The following TENM1 variants were observed in gnomAD, a reference collection of about 807,000 sequenced individuals.
The protein encoded by TENM1 is teneurin-1.
TENM1 carries 35 observed loss-of-function variants against 174.8 expected under a neutral mutation model. The observed-to-expected ratio is 0.20, with a 90% confidence interval of 0.15 to 0.27. The LOEUF is 0.27. Among genes scored for constraint, TENM1 ranks in the 10% least tolerant of loss-of-function variants. The pLI, the probability that TENM1 is intolerant of heterozygous loss-of-function variation, is 1.00. For missense variants in TENM1, 1,633 were observed against 2,130.1 expected (o/e 0.77, Z 4.59); for synonymous variants, 781 against 798.7 (o/e 0.98, Z 0.37).
chrX:124,442,101 T>C (rs2147809588), intron 23 of TENM1, among the ~76,000 whole-genome samples: 1 of 112,351 alleles, frequency 8.9e-6, no homozygotes, highest in African/African-American at 3.2e-5. Context: ...CCTGTCTTGC[T>C]GTCTACCTGT....
At chrX:125,019,540 A>T in the TENM1 span, among the ~76,000 whole-genome samples, 1 of 111,313 alleles carries the variant, frequency 9.0e-6, no homozygotes, top group African/African-American at 3.2e-5. Flanking sequence ...TTTATTGTAG[A>T]CACAAATATG....
chrX:124,499,285 G>A (rs990448030), intron 19 of TENM1, among the ~76,000 whole-genome samples: 3 of 111,649 alleles, frequency 2.7e-5, no homozygotes, highest in Non-Finnish European at 5.7e-5. Flanking sequence ...TCACTCTGAG[G>A]TAGGAACATT....
chrX:124,760,949 C>A (rs948867038), intron 3 of TENM1, among the ~76,000 whole-genome samples: 4 of 112,081 alleles, frequency 3.6e-5, no homozygotes, highest in Non-Finnish European at 5.6e-5. Flanking sequence ...AAAAAATGCT[C>A]GTCATCACTG....
intron 11 of TENM1, among the ~76,000 whole-genome samples, chrX:124,609,856 G>A (rs2050243360): frequency 9.0e-6 from 1 of 111,708 alleles, no homozygotes; most frequent in Non-Finnish European, 1.9e-5. Flanking sequence ...AAAACAGATG[G>A]CTATTGCTGT....
At chrX:125,169,408 G>A in the TENM1 span, among the ~76,000 whole-genome samples, 2 of 111,424 alleles carry the variant, frequency 1.8e-5, no homozygotes, top group African/African-American at 6.5e-5. Flanking sequence ...TCCAATGAAC[G>A]GGCTAACAAA....
At chrX:125,163,336 G>A in the TENM1 span, among the ~76,000 whole-genome samples, 2 of 110,082 alleles carry the variant, frequency 1.8e-5, no homozygotes, top group Non-Finnish European at 3.8e-5. Flanking sequence ...AACTTACTTG[G>A]CATTGCCAAT....
chrX:124,997,070 T>G, the TENM1 span, among the ~76,000 whole-genome samples: 1 of 111,536 alleles, frequency 9.0e-6, no homozygotes, highest in Non-Finnish European at 1.9e-5. Context: ...AACTGATTTA[T>G]TAGGCTACTA....
At chrX:125,145,632 C>A in the TENM1 span, among the ~76,000 whole-genome samples, 1 of 77,760 alleles carries the variant, frequency 1.3e-5, no homozygotes, top group South Asian at 6.9e-4. Flanking sequence ...AAGTTTTCAG[C>A]TAACATCCAA....
chrX:124,426,253 T>TTA (rs2060715471), intron 23 of TENM1, among the ~76,000 whole-genome samples: 1 of 111,779 alleles, frequency 8.9e-6, no homozygotes, highest in Non-Finnish European at 1.9e-5. Flanking sequence ...TGTTCTCTAT[T>TTA]TCTTTTCTTT....
intron 11 of TENM1, among the ~76,000 whole-genome samples, chrX:124,595,524 G>A (rs1204228504): frequency 9.0e-6 from 1 of 111,396 alleles, no homozygotes; most frequent in Non-Finnish European, 1.9e-5. Flanking sequence ...GTAGACTATA[G>A]CCACAAATAA....
chrX:124,435,377 C>T (rs893080344), intron 23 of TENM1, among the ~76,000 whole-genome samples: 8 of 111,966 alleles, frequency 7.1e-5, no homozygotes, highest in Non-Finnish European at 5.6e-5. Context: ...TATGACTGCA[C>T]AGCTTTTATG....
chrX:124,953,830 A>C (rs182962674), intron 1 of TENM1, among the ~76,000 whole-genome samples: 1 of 112,111 alleles, frequency 8.9e-6, no homozygotes, highest in East Asian at 2.8e-4. Flanking sequence ...ATCAATTCTC[A>C]TACTATGGTA....
At chrX:124,421,273 A>G (rs1364851794) in intron 24 of TENM1, among the ~76,000 whole-genome samples, 2 of 112,431 alleles carry the variant, frequency 1.8e-5, no homozygotes, top group African/African-American at 6.5e-5. Context: ...TAAGTCTATA[A>G]GTACAACAAT....
intron 6 of TENM1, 54 bp downstream of exon 9, chrX:124,671,629 A>G: frequency 8.8e-7 from 1 of 1,139,349 alleles, no homozygotes; most frequent in Non-Finnish European, 1.2e-6. Context: ...CTACAGTTCT[A>G]ATGACCAAAT....
intron 22 of TENM1, among the ~76,000 whole-genome samples, chrX:124,478,234 T>C (rs183120252): frequency 8.9e-6 from 1 of 112,231 alleles, no homozygotes; most frequent in East Asian, 2.8e-4. Context: ...GAAACCACAG[T>C]GAGGTACAGT....
the TENM1 span, among the ~76,000 whole-genome samples, chrX:125,009,114 G>A: frequency 0.033 from 2,269 of 67,876 alleles, 24 homozygotes; most frequent in East Asian, 0.075. Flanking sequence ...TTTTTTTTCC[G>A]GAAAAAAAAA....
chrX:124,529,818 A>G (rs1251177689), intron 16 of TENM1, 46 bp downstream of exon 19: 9 of 1,207,390 alleles, frequency 7.5e-6, no homozygotes, highest in Non-Finnish European at 1.0e-5. Flanking sequence ...CCTGGCTAGA[A>G]GTCAGTAATT....
intron 8 of TENM1, among the ~76,000 whole-genome samples, chrX:124,647,069 T>A (rs1226111703): frequency 9.0e-6 from 1 of 111,429 alleles, no homozygotes; most frequent in African/African-American, 3.3e-5. Context: ...CTAAAGCACA[T>A]AAATGTTCTA....
chrX:124,849,280 G>A (rs1041495385), intron 3 of TENM1, among the ~76,000 whole-genome samples: 1 of 111,251 alleles, frequency 9.0e-6, no homozygotes, highest in Admixed American at 9.5e-5. Flanking sequence ...CTCCCTTTTA[G>A]TTTGAGTACA....
Sources: gnomAD v4.1 joint callset for allele counts (sites outside exome capture counted in the v4.1 genomes callset) on GRCh38, gnomAD v4.1.1 for gene constraint, MANE v1.5 for transcripts, NCBI Gene and HGNC (gene_info 2026-07-23, HGNC 2026-07-21) for gene names.